SRMS: variants seen among roughly 807,000 people sequenced by gnomAD.
The protein encoded by SRMS is src-related kinase lacking C-terminal regulatory tyrosine and N-terminal myristylation sites, also known as tyrosine-protein kinase Srms.
SRMS carries 42 observed loss-of-function variants against 43.5 expected under a neutral mutation model. That is an observed-to-expected ratio of 0.97 (90% CI 0.75 to 1.25). The LOEUF is 1.25. Ranked by LOEUF, SRMS falls within the 50% of genes most tolerant of loss-of-function variation. The pLI is 0.00. For missense variants in SRMS, 703 were observed against 681.0 expected (o/e 1.03, Z -0.36); for synonymous variants, 316 against 308.2 (o/e 1.03, Z -0.27).
At position 63,541,683 on chromosome 20, in the gene SRMS, A is replaced by G. The variant is rs1357075594; in HGVS notation, c.947-63T>C. ...CCAACGGCCGGTGAGGCCAGCGTCCACCCACGTCACCTTCCCCCATGCCTC... is the reference window on the plus strand; with the variant it reads ...CCAACGGCCGGTGAGGCCAGCGTCCGCCCACGTCACCTTCCCCCATGCCTC... On this transcript the variant is annotated intron_variant, in intron 5 of 7. Coordinates refer to ENST00000217188, the MANE Select transcript of SRMS (RefSeq NM_080823.4). The G allele has an allele frequency of 1.1e-5, 16 of 1,427,190 alleles. 1 individual carries two copies. Among genetic ancestry groups the G allele is most frequent in the Admixed American group, 5.4e-5 (2 of 36,866 alleles). 88.4% of individuals were successfully genotyped at this position (1,427,190 alleles called of 1,614,324 possible). A position where few individuals can be genotyped will look rare whatever the true frequency, so the allele number is the denominator to read the frequency against.
chr20:63,541,337 T>C lies in SRMS; in HGVS notation c.1139A>G (p.Tyr380Cys). ...GATCTTGGAGCTGCTGCTCGGGGAG[T>C]AGATGTCGTCCTGGGGGCGAGGGAA... ...GLARLLKDDI[Y>C]SPSSSSKIPV... The change falls in exon 7 of 8, where the codon TAC becomes TGC. Residue 380 changes from tyrosine to cysteine, a missense_variant. Tyr to Cys is a radical substitution (Grantham distance 194). Coordinates refer to ENST00000217188, the MANE Select transcript of SRMS (RefSeq NM_080823.4). 6.5e-7 allele frequency: 1 copy of C among 1,541,174 alleles called. No individual in the cohort carries two copies. Among genetic ancestry groups the C allele is most frequent in the Non-Finnish European group, 8.7e-7 (1 of 1,145,856 alleles).
rs919916591 is a variant in SRMS at position 63,540,651 on chromosome 20, C to G, written c.*167G>C. On this transcript the variant is annotated 3_prime_UTR_variant, in exon 8 of 8. Transcript: ENST00000217188. ...TGCACGGGGGACGTCAGCCCCAGCC[C>G]TCCGTCTGCACGTCTGCCTGGTGCA... Among the ~76,000 whole-genome samples, 1 of 152,266 alleles carries G rather than the reference C, an allele frequency of 6.6e-6. No homozygotes were observed.
chr20:63,543,137 G>A (rs531565392), intron 3 of SRMS, among the ~76,000 whole-genome samples, 177 bp downstream of exon 3: 7 of 152,332 alleles, frequency 4.6e-5, no homozygotes, highest in Non-Finnish European at 7.3e-5. Flanking sequence ...AGAGGCACCC[G>A]CAGAGAGCAG....
chr20:63,547,531 G>A lies in SRMS; in HGVS notation c.-68C>T. 1 of 1,382,250 alleles carries A rather than the reference G, an allele frequency of 7.2e-7. No individual in the cohort carries two copies. The highest frequency in any genetic ancestry group is 9.5e-7 in the Non-Finnish European group (1 of 1,052,774). 85.6% of individuals were successfully genotyped at this position (1,382,250 alleles called of 1,614,324 possible). A position where few individuals can be genotyped will look rare whatever the true frequency, so the allele number is the denominator to read the frequency against. On this transcript the variant is annotated 5_prime_UTR_variant, in exon 1 of 8. Transcript: ENST00000217188. ...GCGAGCCCGGAAGAGGAACTGGCAG[G>A]GCCGGTGGGACCCGGTGTCCAGCGC...
intron 1 of SRMS, among the ~76,000 whole-genome samples, chr20:63,545,518 T>C (rs1403121093): frequency 6.6e-6 from 1 of 152,118 alleles, no homozygotes; most frequent in Non-Finnish European, 1.5e-5. Context: ...GATTCGGGGC[T>C]GGGGCACGGC....
chr20:63,542,198 A>C lies in SRMS; in HGVS notation c.911T>G (p.Leu304Arg), dbSNP rs1349700461. 1 of 1,611,600 alleles carries C rather than the reference A, an allele frequency of 6.2e-7. No individual in the cohort carries two copies. The highest frequency in any genetic ancestry group is 8.5e-7 in the Non-Finnish European group (1 of 1,178,956). Residue 304 changes from leucine to arginine, a missense_variant, in exon 5 of 8, where the codon CTC becomes CGC. By Grantham distance (102) the Leu-to-Arg change is moderately radical. Transcript: ENST00000217188. ...GGCCTGCAGGTTCCCCTTGCGCATG[A>C]GTTCCGTGACGATGTACACAGGCTC... ...GGEPVYIVTE[L>R]MRKGNLQAFL... is the part of the protein sequence containing the mutation.
Position 63,547,096 on chromosome 20 carries a change from C to T in SRMS, c.356+12G>A, listed in dbSNP as rs774063399. On this transcript the variant is annotated intron_variant, in intron 1 of 7. Transcript: ENST00000217188. ...GCGAGGCAGGCTCTGACTCCGAGGCCGAGGTACTCACGGTTGGTCTGAGAG... is the reference window on the plus strand; with the variant it reads ...GCGAGGCAGGCTCTGACTCCGAGGCTGAGGTACTCACGGTTGGTCTGAGAG... The T allele has an allele frequency of 3.2e-5, 49 of 1,533,572 alleles. No homozygotes were observed. In the East Asian group the frequency reaches 3.8e-4, roughly 12 times the overall value. 95.0% of individuals were successfully genotyped at this position (1,533,572 alleles called of 1,614,324 possible). A position where few individuals can be genotyped will look rare whatever the true frequency, so the allele number is the denominator to read the frequency against.
At chr20:63,544,676 T>C (rs1416409490) in intron 1 of SRMS, among the ~76,000 whole-genome samples, 11 of 152,238 alleles carry the variant, frequency 7.2e-5, no homozygotes, top group Non-Finnish European at 1.5e-4. Context: ...GCCATAGGCC[T>C]CCAAACTCGG....
At chr20:63,544,079 T>C (rs530601827) in intron 2 of SRMS, 148 bp downstream of exon 2, 2 of 925,046 alleles carry the variant, frequency 2.2e-6, no homozygotes, top group East Asian at 3.3e-5. Flanking sequence ...AGTTAGCAAG[T>C]GCAGGAGGTG....
chr20:63,546,862 C>A (rs562939083), intron 1 of SRMS, among the ~76,000 whole-genome samples: 4 of 152,344 alleles, frequency 2.6e-5, no homozygotes, highest in East Asian at 3.9e-4. Context: ...ATGCTCCCCC[C>A]CACAGGACCT....
rs533657430 is a variant in SRMS, at chr20:63,545,360, G to A, written c.357-1012C>T. On this transcript the variant is annotated intron_variant, in intron 1 of 7. Coordinates refer to ENST00000217188, the MANE Select transcript of SRMS (RefSeq NM_080823.4). ...TTCCTGGAGCTTCCTGGGACCCGGAGAGGGATGCCTGCCACTCCCCTGCCC... is the reference window on the plus strand; with the variant it reads ...TTCCTGGAGCTTCCTGGGACCCGGAAAGGGATGCCTGCCACTCCCCTGCCC... Among the ~76,000 whole-genome samples, 4 of 152,354 alleles carry A rather than the reference G, an allele frequency of 2.6e-5. No homozygotes were observed. In the South Asian group the frequency reaches 8.3e-4, roughly 32 times the overall value.
Position 63,539,505 on chromosome 20 carries a change from C to T in SRMS, c.*1313G>A, listed in dbSNP as rs920348485. Among the ~76,000 whole-genome samples, 2 of 152,232 alleles carry T rather than the reference C, an allele frequency of 1.3e-5. No individual in the cohort carries two copies. Among genetic ancestry groups the T allele is most frequent in the Admixed American group, 6.5e-5 (1 of 15,284 alleles). On this transcript the variant is annotated 3_prime_UTR_variant, in exon 8 of 8. Transcript: ENST00000217188. Reference sequence around the variant, plus strand: ...AGTCAGGCCTGAACTTGTCTCCAAACTTTCTGTCCCCGAAAGCCTTCTGGG... The same window carrying T: ...AGTCAGGCCTGAACTTGTCTCCAAATTTTCTGTCCCCGAAAGCCTTCTGGG...
chr20:63,546,211 C>T lies in SRMS; in HGVS notation c.356+897G>A, dbSNP rs6122473. ...GGCTGCTTGCCCCCCAACCACTGCT[C>T]AGGACAAGCGGGGCAGGTGTGGGGT... On this transcript the variant is annotated intron_variant, in intron 1 of 7. Coordinates refer to ENST00000217188, the MANE Select transcript of SRMS (RefSeq NM_080823.4). Among the ~76,000 whole-genome samples, 98 of 152,314 alleles carry T rather than the reference C, an allele frequency of 6.4e-4. 2 individuals carry two copies. The East Asian group carries it at 0.018, about 28-fold the overall frequency.
Position 63,543,466 on chromosome 20 carries a change from T to G in SRMS, c.493A>C (p.Lys165Gln), listed in dbSNP as rs2082715350. ...GYSLSVRAQA[K>Q]VCHYRVSMAA... ...ATGGAGACCCGGTAGTGGCAGACCT[T>G]GGCCTGGGCCCGGACTAGGAAGGGT... The change falls in exon 3 of 8, where the codon AAG becomes CAG. Residue 165 changes from lysine (K) to glutamine (Q), a missense_variant. Physicochemically the swap from Lys to Gln is moderately conservative, Grantham distance 53. Transcript: ENST00000217188. 6.2e-7 allele frequency: 1 copy of G among 1,612,592 alleles called. No individual in the cohort carries two copies. Among genetic ancestry groups the G allele is most frequent in the Admixed American group, 1.7e-5 (1 of 59,994 alleles).
Position 63,541,252 on chromosome 20 carries a change from G to T in SRMS, c.1224C>A (p.Asp408Glu). Residue 408 changes from aspartate to glutamate, a missense_variant, in exon 7 of 8, where the codon GAC becomes GAA. Physicochemically the swap from Asp to Glu is conservative, Grantham distance 45. Transcript: ENST00000217188. ...ANYRVFSQKS[D>E]VWSFGVLLHE... The stretch of plus-strand genomic sequence containing the variant: ...GCAGCAGGACGCCGAAGGACCAGAC[G>T]TCTGACTTCTGGGAGAAGACACGAT... 6.4e-7 allele frequency: 1 copy of T among 1,569,852 alleles called. No homozygotes were observed. The highest frequency in any genetic ancestry group is 8.6e-7 in the Non-Finnish European group (1 of 1,162,658).
Position 63,541,565 on chromosome 20 carries a change from C to T in SRMS, c.1002G>A (p.Val334=). 1 of 1,581,526 alleles carries T rather than the reference C, an allele frequency of 6.3e-7. No homozygotes were observed. Among genetic ancestry groups the T allele is most frequent in the Non-Finnish European group, 8.6e-7 (1 of 1,166,690 alleles). The change falls in exon 6 of 8, where the codon GTG becomes GTA. Residue 334 remains valine (V), a synonymous_variant. Transcript: ENST00000217188. ...LPPLLGFACQ[V]AEGMSYLEEQ... is the part of the protein sequence containing the mutation. ...CCTCCAGGTAGCTCATGCCCTCAGCCACCTGGCAGGCAAAGCCCAGGAGTG... is the reference window on the plus strand; with the variant it reads ...CCTCCAGGTAGCTCATGCCCTCAGCTACCTGGCAGGCAAAGCCCAGGAGTG...
chr20:63,547,183 G>C lies in SRMS; in HGVS notation c.281C>G (p.Ser94Trp). The change falls in exon 1 of 8, where the codon TCG (serine) becomes TGG (tryptophan). Residue 94 changes from serine to tryptophan, a missense_variant. Coordinates refer to ENST00000217188, the MANE Select transcript of SRMS (RefSeq NM_080823.4). ...GGGYIFARRLSGQPSAGLVPI... is the reference protein window; with the variant it reads ...GGGYIFARRLWGQPSAGLVPI... The stretch of plus-strand genomic sequence containing the variant: ...CACGAGCCCGGCGCTGGGCTGGCCC[G>C]AAAGCCTGCGTGCGAAGATGTAGCC... The C allele has an allele frequency of 6.2e-7, 1 of 1,611,904 alleles. No homozygotes were observed. Among genetic ancestry groups the C allele is most frequent in the Non-Finnish European group, 8.5e-7 (1 of 1,179,558 alleles).
At chr20:63,541,094 G>A (rs1271233089) in intron 7 of SRMS, 95 bp from the exon 8 acceptor site, 1 of 1,579,558 alleles carries the variant, frequency 6.3e-7, no homozygotes, top group Non-Finnish European at 8.6e-7. Context: ...CCTGCCCTTG[G>A]CCAGACCCTC....
rs896522464 is a variant in SRMS, at chr20:63,547,655, C to T, written c.-192G>A. Among the ~76,000 whole-genome samples the T allele has an allele frequency of 2.1e-4, 32 of 152,224 alleles. No individual in the cohort carries two copies. The highest frequency in any genetic ancestry group is 8.8e-5 in the Non-Finnish European group (6 of 68,032). Reference sequence around the variant, plus strand: ...CACACGGTTCCCACCGGCGTCCGGGCTGGCGTTGGGGCTGGGTGGGGCGCA... The same window carrying T: ...CACACGGTTCCCACCGGCGTCCGGGTTGGCGTTGGGGCTGGGTGGGGCGCA... On this transcript the variant is annotated 5_prime_UTR_variant, in exon 1 of 8. Transcript: ENST00000217188.
Sources: allele counts gnomAD v4.1 joint callset (sites outside exome capture counted in the v4.1 genomes callset), GRCh38; gene constraint gnomAD v4.1.1; transcripts MANE v1.5; gene names NCBI Gene and HGNC (gene_info 2026-07-23, HGNC 2026-07-21).